The following DCHS2 variants were observed in gnomAD, a reference collection of about 807,000 sequenced individuals.
DCHS2 encodes dachsous cadherin-related 2, also known as protocadherin-23.
In DCHS2, 142 loss-of-function variants were observed where a neutral mutation model predicts 182.4. That is an observed-to-expected ratio of 0.78 (90% CI 0.68 to 0.89). DCHS2 has a LOEUF of 0.89. Among genes scored for constraint, DCHS2 ranks in the 40% least tolerant of loss-of-function variants. The pLI is 0.00. For missense variants in DCHS2, 4,319 were observed against 4,198.6 expected (o/e 1.03, Z -0.79); for synonymous variants, 1,740 against 1,663.3 (o/e 1.05, Z -1.12).
At chr4:154,384,487 T>G in intron 1 of DCHS2, 1 of 1,571,228 alleles carries the variant, frequency 6.4e-7, no homozygotes. Flanking sequence ...GGGGACTGAA[T>G]GCTGGCCTCC....
At chr4:154,344,466 C>G (rs183562585) in intron 3 of DCHS2, among the ~76,000 whole-genome samples, 2 of 152,306 alleles carry the variant, frequency 1.3e-5, no homozygotes, top group Non-Finnish European at 2.9e-5. Context: ...TCCTTCATTT[C>G]TTGAATTATA....
chr4:154,249,251 A>T (rs1359289082), intron 16 of DCHS2, among the ~76,000 whole-genome samples: 1 of 152,132 alleles, frequency 6.6e-6, no homozygotes, highest in African/African-American at 2.4e-5. Flanking sequence ...AACCCAAATA[A>T]TCCCATTAAA....
chr4:154,249,532 A>T (rs1403280602), intron 16 of DCHS2, among the ~76,000 whole-genome samples: 1 of 152,184 alleles, frequency 6.6e-6, no homozygotes, highest in African/African-American at 2.4e-5. Flanking sequence ...AGAACTTACC[A>T]CAGAGTGCCA....
At chr4:154,357,436 G>C (rs1729926536) in intron 3 of DCHS2, 1 of 663,278 alleles carries the variant, frequency 1.5e-6, no homozygotes, top group African/African-American at 1.8e-5. Flanking sequence ...GCACTCTTGT[G>C]CAAATAATTC....
intron 3 of DCHS2, 113 bp downstream of exon 3, chr4:154,366,096 TC>T (rs1245917096): frequency 1.4e-6 from 1 of 732,380 alleles, no homozygotes; most frequent in African/African-American, 1.8e-5. Flanking sequence ...GTTAAGTGAG[TC>T]CTGCAACACC....
chr4:154,364,317 A>G (rs1436481860), intron 3 of DCHS2, among the ~76,000 whole-genome samples: 4 of 152,180 alleles, frequency 2.6e-5, no homozygotes, highest in Non-Finnish European at 5.9e-5. Context: ...TCCAGGGAAA[A>G]CTGAATGACG....
intron 10 of DCHS2, among the ~76,000 whole-genome samples, chr4:154,311,298 A>C (rs1490489494): frequency 6.6e-6 from 1 of 152,184 alleles, no homozygotes; most frequent in Non-Finnish European, 1.5e-5. Flanking sequence ...GCAGAGGCAC[A>C]GTCGTGGCTC....
At position 154,232,083 on chromosome 4, in the gene DCHS2, G is replaced by T. The variant is rs557229965; in HGVS notation, c.*2453C>A. 4.6e-5 allele frequency: 7 copies of T among 152,118 alleles called. No individual in the cohort carries two copies. Among genetic ancestry groups the T allele is most frequent in the Admixed American group, 4.6e-4 (7 of 15,252 alleles). 9.4% of individuals were successfully genotyped at this position (152,118 alleles called of 1,614,324 possible). ...TTTATTTTATAGCTTATGAATTTGG[G>T]GCTTAATATGATTTTCCACTAACAA... On this transcript the variant is annotated 3_prime_UTR_variant, in exon 20 of 20. Transcript: ENST00000357232.
At chr4:154,324,773 C>T (rs1387405566) in intron 7 of DCHS2, among the ~76,000 whole-genome samples, 1 of 152,156 alleles carries the variant, frequency 6.6e-6, no homozygotes, top group Non-Finnish European at 1.5e-5. Flanking sequence ...AAACTCATAG[C>T]ATGGAGCAGG....
intron 1 of DCHS2, among the ~76,000 whole-genome samples, chr4:154,421,373 G>GTTAATTTAAT (rs60585355): frequency 0.53 from 78,682 of 148,930 alleles, 24,901 homozygotes; most frequent in East Asian, 0.81. Flanking sequence ...TCTCATCTGT[G>GTTAATTTAAT]TTAATTTAAT....
chr4:154,422,011 TCTTTA>T (rs1185410840), intron 1 of DCHS2, among the ~76,000 whole-genome samples: 1 of 152,190 alleles, frequency 6.6e-6, no homozygotes, highest in Admixed American at 6.5e-5. Flanking sequence ...AGGTTGCCAC[TCTTTA>T]CTTCATGTTG....
chr4:154,429,157 C>T (rs182750128), intron 1 of DCHS2, among the ~76,000 whole-genome samples: 1 of 152,248 alleles, frequency 6.6e-6, no homozygotes, highest in East Asian at 1.9e-4. Context: ...TCTAATCTGG[C>T]TTATGCATAC....
intron 1 of DCHS2, among the ~76,000 whole-genome samples, chr4:154,422,120 C>T (rs1291837656): frequency 2.0e-5 from 3 of 152,184 alleles, no homozygotes; most frequent in Non-Finnish European, 4.4e-5. Flanking sequence ...CTGATGCACC[C>T]TCTTCTAGTC....
rs370751172 is a variant in DCHS2, at chr4:154,242,725, G to A, written c.6989C>T (p.Thr2330Met). The change falls in exon 17 of 20, where the codon ACG (threonine) becomes ATG (methionine). Residue 2330 changes from threonine to methionine, a missense_variant. Transcript: ENST00000357232. The part of the protein sequence containing the change: ...TDKGMPRLSN[T>M]TVIKVQVTDI... ...AGTCACCTGTACCTTGATTACAGTC[G>A]TATTAGAAAGCCTGGGCATCCCTTT... The A allele has an allele frequency of 6.8e-6, 11 of 1,612,650 alleles. No homozygotes were observed. The highest frequency in any genetic ancestry group is 2.7e-5 in the African/African-American group (2 of 74,826).
In DCHS2 at chr4:154,321,107, A is replaced by G. The variant is rs749593445; in HGVS notation, c.4292T>C (p.Leu1431Pro). 1 of 1,607,242 alleles carries G rather than the reference A, an allele frequency of 6.2e-7. No homozygotes were observed. The highest frequency in any genetic ancestry group is 1.1e-5 in the South Asian group (1 of 90,688). The change falls in exon 9 of 20, where the codon CTT becomes CCT. Residue 1431 changes from leucine to proline, a missense_variant. Coordinates refer to ENST00000357232, the MANE Select transcript of DCHS2 (RefSeq NM_001358235.2). ...TAACTTTCCATTATAATGTTGTTGA[A>G]GGTGATCAGATGACTTTATCAAGCT... Reference protein sequence around the residue: ...IMSLIKSSDHLQQHYNGKLHF... With the variant: ...IMSLIKSSDHPQQHYNGKLHF...
At chr4:154,473,383 G>T (rs1735553609) in intron 1 of DCHS2, among the ~76,000 whole-genome samples, 1 of 152,206 alleles carries the variant, frequency 6.6e-6, no homozygotes, top group African/African-American at 2.4e-5. Context: ...CGAGTGACCA[G>T]CTGCAAGGAA....
At chr4:154,388,218 A>T (rs1731502331) in intron 1 of DCHS2, among the ~76,000 whole-genome samples, 1 of 152,148 alleles carries the variant, frequency 6.6e-6, no homozygotes, top group South Asian at 2.1e-4. Flanking sequence ...AAGAGTTGTT[A>T]AATAAATTAA....
chr4:154,439,324 C>T (rs1182414483), intron 1 of DCHS2, among the ~76,000 whole-genome samples: 1 of 152,084 alleles, frequency 6.6e-6, no homozygotes, highest in South Asian at 2.1e-4. Context: ...TCAAATTGCC[C>T]TGAAAGAAGG....
chr4:154,248,709 A>C (rs1732205996), intron 16 of DCHS2, among the ~76,000 whole-genome samples: 1 of 152,216 alleles, frequency 6.6e-6, no homozygotes, highest in Non-Finnish European at 1.5e-5. Flanking sequence ...ACAGTAATGA[A>C]AATAGCATGG....
Sources: allele counts gnomAD v4.1 joint callset (sites outside exome capture counted in the v4.1 genomes callset), GRCh38; gene constraint gnomAD v4.1.1; transcripts MANE v1.5; gene names NCBI Gene and HGNC (gene_info 2026-07-23, HGNC 2026-07-21).